RALGPS2: variants seen among roughly 807,000 people sequenced by gnomAD.
RALGPS2 encodes the protein ras-specific guanine nucleotide-releasing factor RalGPS2.
RALGPS2 carries 43 observed loss-of-function variants against 86.8 expected under a neutral mutation model. The observed-to-expected ratio is 0.50, with a 90% CI of 0.39 to 0.64. RALGPS2 has a LOEUF of 0.64. Ranked by LOEUF, RALGPS2 falls within the 30% of genes least tolerant of loss-of-function variation. RALGPS2 has a pLI of 0.00. For missense variants in RALGPS2, 536 were observed against 694.6 expected (o/e 0.77, Z 2.57); for synonymous variants, 243 against 231.3 (o/e 1.05, Z -0.46).
chr1:178,910,782 G>A (rs1660589513), intron 19 of RALGPS2, among the ~76,000 whole-genome samples: 3 of 152,160 alleles, frequency 2.0e-5, no homozygotes, highest in Non-Finnish European at 4.4e-5. Flanking sequence ...CATGGAATGA[G>A]TTAGGGAGGA....
At chr1:178,908,074 G>A (rs143980894) in intron 19 of RALGPS2, among the ~76,000 whole-genome samples, 6 of 152,232 alleles carry the variant, frequency 3.9e-5, no homozygotes, top group South Asian at 2.1e-4. Context: ...TTTTTCAACC[G>A]TCACCCCTCT....
At chr1:178,854,890 T>G (rs1449768645) in intron 8 of RALGPS2, among the ~76,000 whole-genome samples, 2 of 152,188 alleles carry the variant, frequency 1.3e-5, no homozygotes, top group East Asian at 3.8e-4. Context: ...AACTTGAGAT[T>G]TCCACATTTT....
intron 19 of RALGPS2, among the ~76,000 whole-genome samples, chr1:178,907,071 C>G (rs913564732): frequency 6.6e-6 from 1 of 152,102 alleles, no homozygotes; most frequent in Admixed American, 6.5e-5. Flanking sequence ...AACAAAATTT[C>G]GAACAGTCAG....
chr1:178,754,626 C>G (rs116714411), intron 1 of RALGPS2, among the ~76,000 whole-genome samples: 1 of 152,236 alleles, frequency 6.6e-6, no homozygotes, highest in Non-Finnish European at 1.5e-5. Flanking sequence ...CTGCCTTACT[C>G]AGTCTACTAA....
chr1:178,883,623 A>G, intron 11 of RALGPS2, 90 bp downstream of exon 11: 1 of 914,526 alleles, frequency 1.1e-6, no homozygotes, highest in Non-Finnish European at 1.7e-6. Context: ...AACTTAGTAC[A>G]TCTTATACTG....
At chr1:178,859,783 T>C (rs1368045957) in intron 8 of RALGPS2, among the ~76,000 whole-genome samples, 9 of 111,876 alleles carry the variant, frequency 8.0e-5, no homozygotes, top group East Asian at 5.2e-4. Context: ...CTGCAAGCTC[T>C]GCCTCCCGGG....
At chr1:178,858,891 A>G (rs1228913341) in intron 8 of RALGPS2, among the ~76,000 whole-genome samples, 1 of 152,184 alleles carries the variant, frequency 6.6e-6, no homozygotes, top group Non-Finnish European at 1.5e-5. Flanking sequence ...TACAAAGAGA[A>G]TCCTTTTTAT....
At chr1:178,813,850 T>C (rs911721518) in intron 6 of RALGPS2, among the ~76,000 whole-genome samples, 7 of 152,204 alleles carry the variant, frequency 4.6e-5, no homozygotes, top group Admixed American at 3.9e-4. Flanking sequence ...TTTGTAGATG[T>C]TAACCGCATC....
At chr1:178,877,379 A>G (rs1659048835) in intron 8 of RALGPS2, 119 bp from the exon 9 acceptor site, 2 of 1,405,650 alleles carry the variant, frequency 1.4e-6, no homozygotes, top group Admixed American at 2.6e-5. Context: ...TAATAGCAAT[A>G]TATTTTAAAT....
At chr1:178,878,363 T>G (rs1659086012) in intron 9 of RALGPS2, among the ~76,000 whole-genome samples, 1 of 152,198 alleles carries the variant, frequency 6.6e-6, no homozygotes. Flanking sequence ...TAACTTTTGC[T>G]TCATGCATCT....
intron 7 of RALGPS2, among the ~76,000 whole-genome samples, chr1:178,830,945 G>A (rs999801691): frequency 1.3e-5 from 2 of 152,126 alleles, no homozygotes; most frequent in Non-Finnish European, 2.9e-5. Context: ...GTATTTTGTA[G>A]AGGAGAGGAT....
At chr1:178,731,271 GGTT>G (rs1650332795) in intron 1 of RALGPS2, among the ~76,000 whole-genome samples, 3 of 69,374 alleles carry the variant, frequency 4.3e-5, no homozygotes, top group African/African-American at 1.6e-4. Context: ...TAGTTGTTTT[GGTT>G]TTTTTTTTTT....
chr1:178,885,276 T>C lies in RALGPS2; in HGVS notation c.1040+65T>C, dbSNP rs768139097. ...TTTGTAATTGGATTTATTGTCGATT[T>C]ATTAGTTCAGTAGAAAATGGTATCC... On this transcript the variant is annotated intron_variant, in intron 12 of 19. Coordinates refer to ENST00000367635, the MANE Select transcript of RALGPS2 (RefSeq NM_152663.5). 4.7e-6 allele frequency: 7 copies of C among 1,485,294 alleles called. No homozygotes were observed. The East Asian group carries it at 1.6e-4, about 35-fold the overall frequency. The allele number at this position is 1,485,294 out of a possible 1,614,324, so 92.0% of individuals were successfully genotyped here. A position where few individuals can be genotyped will look rare whatever the true frequency, so the allele number is the denominator to read the frequency against.
chr1:178,760,936 T>C (rs1652206137), intron 1 of RALGPS2, among the ~76,000 whole-genome samples: 1 of 152,170 alleles, frequency 6.6e-6, no homozygotes, highest in African/African-American at 2.4e-5. Context: ...AATTTGTAGA[T>C]TCGGTCAGTT....
In RALGPS2 at chr1:178,779,269, A is replaced by C. The variant is rs1452020035; in HGVS notation, c.57+2448A>C. ...ATATTATGATTGTATTTTTGCCCCA[A>C]CTTTTTTATTTTTTTCTTTGTGTAT... is the stretch of plus-strand genomic sequence containing the variant. On this transcript the variant is annotated intron_variant, in intron 2 of 19. Coordinates refer to ENST00000367635, the MANE Select transcript of RALGPS2 (RefSeq NM_152663.5). Among the ~76,000 whole-genome samples the C allele has an allele frequency of 2.0e-5, 3 of 152,060 alleles. No individual in the cohort carries two copies. The East Asian group carries it at 5.8e-4, about 29-fold the overall frequency.
Position 178,894,312 on chromosome 1 carries a change from G to A in RALGPS2, c.1431+288G>A, listed in dbSNP as rs980397009. 4.0e-5 allele frequency: 8 copies of A among 197,858 alleles called. No homozygotes were observed. In the East Asian group the frequency reaches 5.7e-4, roughly 14 times the overall value. The allele number at this position is 197,858 out of a possible 1,614,324, so 12.3% of individuals were successfully genotyped here. On this transcript the variant is annotated intron_variant, in intron 16 of 19. Transcript: ENST00000367635. ...TTTTCTATCTTAACTAAGCACTTAA[G>A]CCCACACAGTAACCGTAACTTTTGC...
chr1:178,833,584 G>T, intron 8 of RALGPS2, 34 bp downstream of exon 8: 1 of 1,515,148 alleles, frequency 6.6e-7, no homozygotes, highest in Non-Finnish European at 8.7e-7. Context: ...TTTGTTTCTA[G>T]TTGTTACTCT....
chr1:178,862,420 G>A (rs1343342236), intron 8 of RALGPS2, among the ~76,000 whole-genome samples: 1 of 151,712 alleles, frequency 6.6e-6, no homozygotes, highest in African/African-American at 2.4e-5. Context: ...TAATATAGTT[G>A]GAAAGCCTCT....
chr1:178,776,345 T>A (rs1191330600), intron 1 of RALGPS2, among the ~76,000 whole-genome samples: 1 of 152,244 alleles, frequency 6.6e-6, no homozygotes, highest in Non-Finnish European at 1.5e-5. Flanking sequence ...TGGTATGTGT[T>A]ACTTTGCCAC....
Sources: allele counts gnomAD v4.1 joint callset (sites outside exome capture counted in the v4.1 genomes callset), GRCh38; gene constraint gnomAD v4.1.1; transcripts MANE v1.5; gene names NCBI Gene and HGNC (gene_info 2026-07-23, HGNC 2026-07-21).